ARAP2: variants seen among roughly 807,000 people sequenced by gnomAD.
The protein encoded by ARAP2 is arf-GAP with Rho-GAP domain, ANK repeat and PH domain-containing protein 2.
ARAP2 carries 148 observed loss-of-function variants against 194.5 expected under a neutral mutation model. That is an observed-to-expected ratio of 0.76 (90% CI 0.67 to 0.87). The LOEUF is 0.87. ARAP2 is among the 40% of genes least tolerant of loss of function. The probability of loss-of-function intolerance (pLI) is 0.00; values close to 1 mark genes in which losing one functional copy is unlikely to be tolerated. For synonymous variants in ARAP2, 695 were observed against 683.5 expected (o/e 1.02, Z -0.26); for missense variants, 2,128 against 1,989.7 (o/e 1.07, Z -1.32).
intron 31 of ARAP2, among the ~76,000 whole-genome samples, chr4:36,079,943 A>G (rs1261494772): frequency 6.6e-6 from 1 of 152,156 alleles, no homozygotes; most frequent in Non-Finnish European, 1.5e-5. Context: ...TTACACGACC[A>G]TTTTAAAGCA....
Position 36,192,175 on chromosome 4 carries a change from T to C in ARAP2, c.1557+1403A>G, listed in dbSNP as rs950974539. Among the ~76,000 whole-genome samples, 1,400 of 148,716 alleles carry C rather than the reference T, an allele frequency of 9.4e-3. 15 individuals carry two copies. Among genetic ancestry groups the C allele is most frequent in the Non-Finnish European group, 0.015 (1,037 of 67,114 alleles). Reference sequence around the variant, plus strand: ...ACCAAATCCAGTGTTTCTGTTTTTTTTTTTTTTTTTTTTTTTTTGCCAAAA... The same window carrying C: ...ACCAAATCCAGTGTTTCTGTTTTTTCTTTTTTTTTTTTTTTTTTGCCAAAA... On this transcript the variant is annotated intron_variant, in intron 7 of 32. Coordinates refer to ENST00000303965, the MANE Select transcript of ARAP2 (RefSeq NM_015230.4).
chr4:36,079,513 T>C (rs1233506520), intron 31 of ARAP2, among the ~76,000 whole-genome samples: 1 of 152,160 alleles, frequency 6.6e-6, no homozygotes, highest in Non-Finnish European at 1.5e-5. Context: ...AGAAGCATTA[T>C]TGGGAATTTA....
chr4:36,158,835 C>T lies in ARAP2; in HGVS notation c.2647G>A (p.Gly883Ser), dbSNP rs1278962225. The T allele has an allele frequency of 6.2e-7, 1 of 1,603,136 alleles. No homozygotes were observed. The highest frequency in any genetic ancestry group is 1.3e-5 in the African/African-American group (1 of 74,322). ...DFPQHDIHSEGVLSQESSQST... is the reference protein window; with the variant it reads ...DFPQHDIHSESVLSQESSQST... ...TGGGAAGACTCTTGACTTAATACAC[C>T]CTCGGAATGAATATCATGTTGAGGG... is the stretch of plus-strand genomic sequence containing the variant. Residue 883 changes from glycine to serine, a missense_variant, in exon 15 of 33, where the codon GGT becomes AGT. Transcript: ENST00000303965.
intron 22 of ARAP2, among the ~76,000 whole-genome samples, chr4:36,124,313 A>T (rs73225582): frequency 0.3 from 45,507 of 150,086 alleles, 8,070 homozygotes; most frequent in East Asian, 0.47. Flanking sequence ...GCTAAGATTT[A>T]AAAAAAAAAC....
At chr4:36,220,877 T>C (rs1162675000) in intron 2 of ARAP2, among the ~76,000 whole-genome samples, 1 of 152,068 alleles carries the variant, frequency 6.6e-6, no homozygotes, top group East Asian at 1.9e-4. Context: ...TAAGCTAGGG[T>C]TAATTTATCA....
intron 19 of ARAP2, among the ~76,000 whole-genome samples, chr4:36,147,069 A>G (rs562448534): frequency 1.2e-4 from 18 of 152,208 alleles, no homozygotes; most frequent in African/African-American, 4.1e-4. Context: ...AAACTATACA[A>G]TAATTGATCA....
At chr4:36,133,482 T>C (rs957190081) in intron 19 of ARAP2, 93 bp from the exon 20 acceptor site, 6 of 1,157,244 alleles carry the variant, frequency 5.2e-6, no homozygotes, top group African/African-American at 1.6e-5. Context: ...CACACAATCA[T>C]GCAAGACAAA....
Position 36,214,462 on chromosome 4 carries a change from T to C in ARAP2, c.924A>G (p.Arg308=). 5.6e-6 allele frequency: 9 copies of C among 1,595,098 alleles called. No homozygotes were observed. The highest frequency in any genetic ancestry group is 7.7e-6 in the Non-Finnish European group (9 of 1,168,694). ...GVSGSYFRER[R]NVATSTEKSV... ...ATTTTTCAGTTGAGGTAGCAACATT[T>C]CTTCTTTCACGGAAATAGCTTAAAA... The change falls in exon 3 of 33, where the codon AGA becomes AGG. Residue 308 remains arginine, a synonymous_variant. Coordinates refer to ENST00000303965, the MANE Select transcript of ARAP2 (RefSeq NM_015230.4).
intron 32 of ARAP2, among the ~76,000 whole-genome samples, chr4:36,069,063 G>A (rs1251981210): frequency 1.3e-5 from 2 of 152,016 alleles, no homozygotes; most frequent in Admixed American, 1.3e-4. Flanking sequence ...GTTCACTGAA[G>A]TGTGAGCCTT....
chr4:36,234,551 A>G (rs552508229), intron 1 of ARAP2, among the ~76,000 whole-genome samples: 1 of 152,288 alleles, frequency 6.6e-6, no homozygotes, highest in South Asian at 2.1e-4. Flanking sequence ...GTGTAATATA[A>G]ATGCCAAGAC....
intron 2 of ARAP2, among the ~76,000 whole-genome samples, chr4:36,219,886 G>A (rs1439056915): frequency 6.6e-6 from 1 of 152,004 alleles, no homozygotes; most frequent in Non-Finnish European, 1.5e-5. Flanking sequence ...AGCAAAATGA[G>A]CTAGACTAAA....
chr4:36,022,679 T>G (rs551954869), intron 5 of ARAP2, among the ~76,000 whole-genome samples: 1 of 151,914 alleles, frequency 6.6e-6, no homozygotes, highest in African/African-American at 2.4e-5. Flanking sequence ...CATTCCAGAG[T>G]GCATGATAGA....
At chr4:36,181,201 T>G (rs1337755442) in intron 8 of ARAP2, among the ~76,000 whole-genome samples, 1 of 152,174 alleles carries the variant, frequency 6.6e-6, no homozygotes, top group Non-Finnish European at 1.5e-5. Context: ...GGAAACAAGC[T>G]CTGACCTACA....
chr4:36,128,503 C>CACAA (rs372054639), intron 21 of ARAP2, 30 bp downstream of exon 21: 1 of 1,512,296 alleles, frequency 6.6e-7, no homozygotes, highest in Non-Finnish European at 9.2e-7. Flanking sequence ...CACACACACA[C>CACAA]ATATCTACAA....
rs866438657 is a variant in ARAP2, at chr4:36,133,344, C to A, written c.3309G>T (p.Trp1103Cys). 1.9e-6 allele frequency: 3 copies of A among 1,611,032 alleles called. No homozygotes were observed. Among genetic ancestry groups the A allele is most frequent in the South Asian group, 1.1e-5 (1 of 90,996 alleles). Residue 1103 changes from tryptophan (W) to cysteine (C), a missense_variant, in exon 20 of 33, where the codon TGG becomes TGT. Trp to Cys is a radical substitution (Grantham distance 215, BLOSUM62 -2). Coordinates refer to ENST00000303965, the MANE Select transcript of ARAP2 (RefSeq NM_015230.4). ...HGHTKLDFTV[W>C]HTAIEKAAGT... ...CTGCTGCTTTTTCAATTGCAGTATG[C>A]CAGACTGTGAAATCCAACTTGGTAT... is the stretch of plus-strand genomic sequence containing the variant.
intron 27 of ARAP2, among the ~76,000 whole-genome samples, chr4:36,092,355 A>C (rs1713936037): frequency 6.6e-6 from 1 of 152,176 alleles, no homozygotes; most frequent in African/African-American, 2.4e-5. Context: ...CACACCTGTA[A>C]TCCTAGCACT....
At position 36,117,346 on chromosome 4, in the gene ARAP2, C is replaced by T. The variant is rs115561646; in HGVS notation, c.3964-211G>A. On this transcript the variant is annotated intron_variant, in intron 24 of 32. Transcript: ENST00000303965. Reference sequence around the variant, plus strand: ...ACACAAATGTTATAATCAGCAACAACAACCACAATGATTTTCTTTTTTATC... The same window carrying T: ...ACACAAATGTTATAATCAGCAACAATAACCACAATGATTTTCTTTTTTATC... Among the ~76,000 whole-genome samples, 1,170 of 151,792 alleles carry T rather than the reference C, an allele frequency of 7.7e-3. 8 individuals carry two copies. Among genetic ancestry groups the T allele is most frequent in the Non-Finnish European group, 0.013 (863 of 67,726 alleles).
At chr4:36,028,270 TATC>T (rs1252450734) in intron 5 of ARAP2, among the ~76,000 whole-genome samples, 1 of 152,140 alleles carries the variant, frequency 6.6e-6, no homozygotes, top group Non-Finnish European at 1.5e-5. Flanking sequence ...TAATTATGAT[TATC>T]TAGTCTCTAC....
At chr4:36,018,442 T>C (rs1009718630) in intron 6 of ARAP2, among the ~76,000 whole-genome samples, 6 of 54,286 alleles carry the variant, frequency 1.1e-4, no homozygotes, top group Non-Finnish European at 2.1e-4. Flanking sequence ...ACTCACTCAA[T>C]ATCTCAAAAA....
Sources: allele counts gnomAD v4.1 joint callset (sites outside exome capture counted in the v4.1 genomes callset), GRCh38; gene constraint gnomAD v4.1.1; transcripts MANE v1.5; gene names NCBI Gene and HGNC (gene_info 2026-07-23, HGNC 2026-07-21).